FHIT: variants seen among roughly 807,000 people sequenced by gnomAD.
The protein encoded by FHIT is bis(5'-adenosyl)-triphosphatase.
Under a neutral mutation model 17.9 loss-of-function variants are expected in FHIT, and 19 were observed. The ratio of observed to expected loss-of-function variants is 1.06; its 90% CI spans 0.74 to 1.56. The LOEUF is 1.56. FHIT is among the 40% of genes most tolerant of loss of function. FHIT has a pLI of 0.00. For synonymous variants in FHIT, 81 were observed against 69.7 expected, an observed-to-expected ratio of 1.16 and a Z score of -0.81; for missense variants, 248 against 189.2, an observed-to-expected ratio of 1.31 and a Z score of -1.82.
chr3:60,045,788 A>T (rs564003762), intron 5 of FHIT, among the ~76,000 whole-genome samples: 2 of 152,234 alleles, frequency 1.3e-5, no homozygotes, highest in South Asian at 2.1e-4. Flanking sequence ...ATCATGGGTG[A>T]TTTCCAAGTC....
chr3:59,978,249 A>G (rs1708499545), intron 7 of FHIT, among the ~76,000 whole-genome samples: 1 of 152,140 alleles, frequency 6.6e-6, no homozygotes, highest in East Asian at 1.9e-4. Flanking sequence ...TTTACTCGCT[A>G]AAGTTTGTGG....
At chr3:59,937,426 C>T (rs1168241079) in intron 7 of FHIT, among the ~76,000 whole-genome samples, 2 of 152,126 alleles carry the variant, frequency 1.3e-5, no homozygotes, top group African/African-American at 2.4e-5. Context: ...GACATGTCAG[C>T]GTGCTTTATT....
At chr3:60,248,939 C>T (rs1705545997) in intron 5 of FHIT, among the ~76,000 whole-genome samples, 1 of 152,096 alleles carries the variant, frequency 6.6e-6, no homozygotes, top group South Asian at 2.1e-4. Context: ...ACAAAGATAC[C>T]ATGTGAAAAT....
chr3:60,404,320 T>C (rs1701768778), intron 5 of FHIT, among the ~76,000 whole-genome samples: 1 of 109,472 alleles, frequency 9.1e-6, no homozygotes, highest in African/African-American at 2.7e-5. Context: ...GGCTATTTAT[T>C]ACCTAGAAAA....
At chr3:59,987,621 G>A (rs893050141) in intron 7 of FHIT, among the ~76,000 whole-genome samples, 6 of 152,070 alleles carry the variant, frequency 3.9e-5, no homozygotes, top group South Asian at 4.2e-4. Context: ...AAATTTGAGC[G>A]AGGCTGACTC....
chr3:59,764,582 C>T (rs2106799605), intron 8 of FHIT, among the ~76,000 whole-genome samples: 1 of 152,256 alleles, frequency 6.6e-6, no homozygotes, highest in Non-Finnish European at 1.5e-5. Flanking sequence ...GTGAGTTGCA[C>T]AAACAAATTG....
chr3:60,286,733 T>A (rs1271123602), intron 5 of FHIT, among the ~76,000 whole-genome samples: 1 of 152,206 alleles, frequency 6.6e-6, no homozygotes, highest in Non-Finnish European at 1.5e-5. Flanking sequence ...ATCAATGGGC[T>A]TAGAACACTG....
chr3:61,084,680 T>G (rs1332434677), intron 2 of FHIT, among the ~76,000 whole-genome samples: 2 of 152,210 alleles, frequency 1.3e-5, no homozygotes, highest in African/African-American at 2.4e-5. Flanking sequence ...AGGTAAAATT[T>G]ACATAGCATG....
intron 5 of FHIT, among the ~76,000 whole-genome samples, chr3:60,150,716 G>C (rs529354829): frequency 1.3e-5 from 2 of 152,222 alleles, no homozygotes; most frequent in Admixed American, 1.3e-4. Context: ...TCAGGAGTTC[G>C]AGACCAGCCT....
intron 5 of FHIT, among the ~76,000 whole-genome samples, chr3:60,236,731 T>C (rs1003506611): frequency 2.0e-5 from 3 of 152,200 alleles, no homozygotes; most frequent in African/African-American, 7.2e-5. Context: ...ACAGTAATAT[T>C]TGAAAATATT....
chr3:59,979,537 C>T (rs1484704990), intron 7 of FHIT, among the ~76,000 whole-genome samples: 1 of 152,094 alleles, frequency 6.6e-6, no homozygotes, highest in South Asian at 2.1e-4. Context: ...CCCTTGGGGA[C>T]ATTTTTTTTC....
chr3:61,181,885 C>T (rs1560047245), intron 2 of FHIT, among the ~76,000 whole-genome samples: 3 of 152,106 alleles, frequency 2.0e-5, no homozygotes, highest in African/African-American at 7.2e-5. Context: ...TATTCTATTA[C>T]ATTTCTGTTC....
intron 8 of FHIT, among the ~76,000 whole-genome samples, chr3:59,753,528 T>C (rs2106739499): frequency 1.3e-5 from 2 of 152,306 alleles, no homozygotes; most frequent in South Asian, 4.1e-4. Context: ...ATTGTTCCTG[T>C]GTGTGGCTCT....
chr3:59,875,853 G>T (rs988366125), intron 8 of FHIT, among the ~76,000 whole-genome samples: 1 of 151,658 alleles, frequency 6.6e-6, no homozygotes, highest in African/African-American at 2.4e-5. Flanking sequence ...CCATGCGTCA[G>T]CCATGAGTAA....
chr3:59,843,183 T>A (rs956949473), intron 8 of FHIT, among the ~76,000 whole-genome samples: 3 of 152,168 alleles, frequency 2.0e-5, no homozygotes, highest in Non-Finnish European at 4.4e-5. Context: ...TTTCCTCCAT[T>A]TAATCATCTT....
At chr3:59,836,155 A>ACTTAAT (rs1054757980) in intron 8 of FHIT, among the ~76,000 whole-genome samples, 8 of 131,960 alleles carry the variant, frequency 6.1e-5, no homozygotes, top group African/African-American at 2.0e-4. Context: ...AGGAGGTACT[A>ACTTAAT]CTTAAATGGG....
chr3:59,867,759 T>C (rs1702720029), intron 8 of FHIT, among the ~76,000 whole-genome samples: 1 of 152,060 alleles, frequency 6.6e-6, no homozygotes, highest in South Asian at 2.1e-4. Flanking sequence ...CCCTAGACTT[T>C]TGAGAGTTTC....
At chr3:60,540,796 C>T (rs1458463096) in intron 4 of FHIT, among the ~76,000 whole-genome samples, 1 of 152,172 alleles carries the variant, frequency 6.6e-6, no homozygotes, top group Admixed American at 6.5e-5. Flanking sequence ...GAACTGTACA[C>T]ATTTCAGGTA....
chr3:60,472,800 G>T (rs1407472175), intron 5 of FHIT, among the ~76,000 whole-genome samples: 1 of 152,140 alleles, frequency 6.6e-6, no homozygotes, highest in Non-Finnish European at 1.5e-5. Context: ...GTGTCCCAAA[G>T]CCCCCAATCC....
Sources: gnomAD v4.1 joint callset for allele counts (sites outside exome capture counted in the v4.1 genomes callset) on GRCh38, gnomAD v4.1.1 for gene constraint, MANE v1.5 for transcripts, NCBI Gene and HGNC (gene_info 2026-07-23, HGNC 2026-07-21) for gene names.